The following XXYLT1 variants were observed in gnomAD, a reference collection of about 807,000 sequenced individuals.
XXYLT1 encodes UDP-xylose:alpha-xyloside alpha-1,3-xylosyltransferase.
Under a neutral mutation model 28.9 loss-of-function variants are expected in XXYLT1, and 20 were observed. The ratio of observed to expected loss-of-function variants is 0.69; its 90% CI spans 0.49 to 1.00. The LOEUF is 1.00. Ranked by LOEUF, XXYLT1 falls within the 50% of genes least tolerant of loss-of-function variation. XXYLT1 has a pLI of 0.00. For synonymous variants in XXYLT1, 257 were observed against 253.8 expected, an observed-to-expected ratio of 1.01 and a Z score of -0.12; for missense variants, 542 against 560.1, an observed-to-expected ratio of 0.97 and a Z score of 0.33.
intron 1 of XXYLT1, among the ~76,000 whole-genome samples, chr3:195,266,737 G>A (rs943812359): frequency 1.3e-5 from 2 of 152,144 alleles, no homozygotes; most frequent in African/African-American, 2.4e-5. Flanking sequence ...CAGCAGTGAC[G>A]CCCAAGCCTG....
At chr3:195,095,834 G>T (rs1357038983) in intron 3 of XXYLT1, 2 of 152,214 alleles carry the variant, frequency 1.3e-5, no homozygotes, top group Non-Finnish European at 2.9e-5. Flanking sequence ...ACAGGGATGA[G>T]TAAGGTGCTT....
intron 2 of XXYLT1, among the ~76,000 whole-genome samples, chr3:195,175,367 T>C (rs1332008757): frequency 6.6e-6 from 1 of 152,140 alleles, no homozygotes; most frequent in Non-Finnish European, 1.5e-5. Flanking sequence ...GAGACATGTG[T>C]GAGATGGAAC....
rs563551515 is a variant in XXYLT1, at chr3:195,180,717, G to A, written c.653-24136C>T. Among the ~76,000 whole-genome samples, 229 of 152,232 alleles carry A rather than the reference G, an allele frequency of 1.5e-3. No homozygotes were observed. Among genetic ancestry groups the A allele is most frequent in the African/African-American group, 5.2e-3 (217 of 41,552 alleles). On this transcript the variant is annotated intron_variant, in intron 2 of 3. Transcript: ENST00000310380. The surrounding 1 kb of genome is among the most constrained non-coding windows in gnomAD (Gnocchi z 5.8). ...GGACACACACAAGCAGACGGGAAAG[G>A]CGCCTGCCCACTGCCCCCACCCCTG...
intron 2 of XXYLT1, among the ~76,000 whole-genome samples, chr3:195,187,496 G>A (rs1722253667): frequency 6.6e-6 from 1 of 152,090 alleles, no homozygotes; most frequent in Non-Finnish European, 1.5e-5. Context: ...ATAGTGCTAT[G>A]AGGAGCCCTA....
chr3:195,073,347 A>C (rs1336487808), intron 3 of XXYLT1, among the ~76,000 whole-genome samples: 2 of 152,188 alleles, frequency 1.3e-5, no homozygotes, highest in South Asian at 4.1e-4. Context: ...CCTTCTTCAC[A>C]GGAGTCTGGG....
At chr3:195,264,178 G>A (rs997121499) in intron 1 of XXYLT1, among the ~76,000 whole-genome samples, 2 of 152,184 alleles carry the variant, frequency 1.3e-5, no homozygotes, top group East Asian at 1.9e-4. Context: ...CTGCTTGCCC[G>A]CTCTATCATT....
intron 3 of XXYLT1, among the ~76,000 whole-genome samples, chr3:195,118,462 A>G (rs1358328875): frequency 1.3e-5 from 2 of 152,232 alleles, no homozygotes; most frequent in East Asian, 1.9e-4. Flanking sequence ...TTGCCTGGCC[A>G]TGACTCATGC....
intron 3 of XXYLT1, among the ~76,000 whole-genome samples, chr3:195,127,946 T>C (rs1287074130): frequency 6.6e-6 from 1 of 152,190 alleles, no homozygotes; most frequent in Non-Finnish European, 1.5e-5. Flanking sequence ...TAGGCTGACA[T>C]AGTATCAGAG....
At position 195,210,300 on chromosome 3, in the gene XXYLT1, CCT is replaced by C. The variant is rs1339049070; in HGVS notation, c.652+16407_652+16408del. 1.3e-5 allele frequency among the ~76,000 whole-genome samples: 2 copies of C among 152,204 alleles called. No individual in the cohort carries two copies. Among genetic ancestry groups the C allele is most frequent in the Admixed American group, 1.3e-4 (2 of 15,278 alleles). On this transcript the variant is annotated intron_variant, in intron 2 of 3. Coordinates refer to ENST00000310380, the MANE Select transcript of XXYLT1 (RefSeq NM_152531.5). The surrounding 1 kb of genome is among the most constrained non-coding windows in gnomAD (Gnocchi z 4.8). Reference sequence around the variant, plus strand: ...TCTGCTGACCTCTCGCCTCTTGCTCCCTGTGTGACACCCACTCACTTGGGGTC... The same window carrying C: ...TCTGCTGACCTCTCGCCTCTTGCTCCGTGTGACACCCACTCACTTGGGGTC...
chr3:195,122,766 A>G (rs914133874), intron 3 of XXYLT1, among the ~76,000 whole-genome samples: 1 of 152,230 alleles, frequency 6.6e-6, no homozygotes. Context: ...TCAGTGTGAC[A>G]GCGGGGGCGA....
intron 2 of XXYLT1, among the ~76,000 whole-genome samples, chr3:195,181,842 A>G (rs1417566860): frequency 6.6e-6 from 1 of 152,216 alleles, no homozygotes; most frequent in Non-Finnish European, 1.5e-5. Flanking sequence ...GACAATGGGT[A>G]AACTGCCCAA....
At chr3:195,148,899 C>T (rs1262909605) in intron 3 of XXYLT1, among the ~76,000 whole-genome samples, 1 of 152,066 alleles carries the variant, frequency 6.6e-6, no homozygotes, top group Non-Finnish European at 1.5e-5. Context: ...AATGCTGTGA[C>T]GACTGAGATT....
chr3:195,175,336 G>A (rs950158193), intron 2 of XXYLT1, among the ~76,000 whole-genome samples: 1 of 152,262 alleles, frequency 6.6e-6, no homozygotes, highest in African/African-American at 2.4e-5. Context: ...GCGGACAGAA[G>A]CAGAGGGCAG....
Position 195,110,142 on chromosome 3 carries a change from TGTG to T in XXYLT1, c.786-40034_786-40032del, listed in dbSNP as rs1315286864. On this transcript the variant is annotated intron_variant, in intron 3 of 3. Coordinates refer to ENST00000310380, the MANE Select transcript of XXYLT1 (RefSeq NM_152531.5). ...GTGTGGTGTGTGTGTGTGTGGTGTG[TGTG>T]GTGTCTGTGTGTTGTGTGTGGTGTC... 3.7e-5 allele frequency among the ~76,000 whole-genome samples: 2 copies of T among 54,060 alleles called. 1 individual carries two copies. The highest frequency in any genetic ancestry group is 6.2e-4 in the East Asian group (2 of 3,238). 35.5% of individuals were successfully genotyped at this position (54,060 alleles called of 152,430 possible).
chr3:195,208,845 G>A (rs1009324904), intron 2 of XXYLT1, among the ~76,000 whole-genome samples: 2 of 152,088 alleles, frequency 1.3e-5, no homozygotes, highest in African/African-American at 2.4e-5. Context: ...GTCACTGGGC[G>A]AGGGCCACGA....
At position 195,180,505 on chromosome 3, in the gene XXYLT1, G is replaced by T. The variant is rs539516536; in HGVS notation, c.653-23924C>A. On this transcript the variant is annotated intron_variant, in intron 2 of 3. Coordinates refer to ENST00000310380, the MANE Select transcript of XXYLT1 (RefSeq NM_152531.5). This position sits in a 1 kb window ranked among gnomAD's most constrained non-coding sequence, Gnocchi z 5.8. The stretch of plus-strand genomic sequence containing the variant: ...TTTTCTTTCTATGCTCCTCTTCCTG[G>T]CTCTGTAGCCCTTGAAAAGAAGCAA... 1.6e-4 allele frequency: 158 copies of T among 985,394 alleles called. 1 individual carries two copies. In the African/African-American group the frequency reaches 2.6e-3, roughly 16 times the overall value. 61.0% of individuals were successfully genotyped at this position (985,394 alleles called of 1,614,324 possible).
At chr3:195,264,132 G>A (rs911953155) in intron 1 of XXYLT1, among the ~76,000 whole-genome samples, 1 of 152,198 alleles carries the variant, frequency 6.6e-6, no homozygotes, top group African/African-American at 2.4e-5. Flanking sequence ...TGTGCCTCCA[G>A]AAGTCTGTCC....
At chr3:195,193,737 T>C (rs367671808) in intron 2 of XXYLT1, among the ~76,000 whole-genome samples, 15 of 152,288 alleles carry the variant, frequency 9.8e-5, no homozygotes, top group African/African-American at 3.6e-4. Flanking sequence ...AATCCTCACA[T>C]TTATAGTCAA....
intron 2 of XXYLT1, among the ~76,000 whole-genome samples, chr3:195,213,532 G>A (rs566905429): frequency 5.7e-4 from 87 of 152,308 alleles, no homozygotes; most frequent in African/African-American, 2.0e-3. Flanking sequence ...CCAAAGTGCT[G>A]GGATTACAGG....
Sources: gnomAD v4.1 joint callset for allele counts (sites outside exome capture counted in the v4.1 genomes callset) on GRCh38, gnomAD v4.1.1 for gene constraint, Gnocchi (gnomAD v3.1) non-coding constraint, MANE v1.5 for transcripts, NCBI Gene and HGNC (gene_info 2026-07-23, HGNC 2026-07-21) for gene names.